The following DIPK1C variants were observed in gnomAD, a reference collection of about 807,000 sequenced individuals.
The protein encoded by DIPK1C is familial non-conventional Alzheimer's dementia.
A neutral mutation model predicts 28.0 loss-of-function variants in DIPK1C; 33 were observed. The observed-to-expected ratio is 1.18, with a 90% CI of 0.89 to 1.58. The LOEUF (loss-of-function observed/expected upper bound fraction) is 1.58. DIPK1C is among the 40% of genes most tolerant of loss of function. The pLI is 0.00. For synonymous variants in DIPK1C, 255 were observed against 248.8 expected (o/e 1.02, Z -0.23); for missense variants, 569 against 568.5 (o/e 1.00, Z -0.01).
intron 1 of DIPK1C, among the ~76,000 whole-genome samples, chr18:74,449,761 T>G (rs2288264): frequency 0.58 from 87,678 of 151,730 alleles, 26,438 homozygotes; most frequent in Non-Finnish European, 0.67. Flanking sequence ...ACCCACATCC[T>G]TTAGGAAGTT....
At chr18:74,452,875 G>A (rs765885172) in intron 1 of DIPK1C, among the ~76,000 whole-genome samples, 17 of 152,082 alleles carry the variant, frequency 1.1e-4, no homozygotes, top group Non-Finnish European at 2.1e-4. Flanking sequence ...CCTTCTGTGC[G>A]TAGGAGGAGT....
intron 3 of DIPK1C, among the ~76,000 whole-genome samples, chr18:74,440,187 A>G (rs1599035105): frequency 6.6e-6 from 1 of 152,118 alleles, no homozygotes; most frequent in South Asian, 2.1e-4. Flanking sequence ...CTTGTGATCC[A>G]CCCACCTCGG....
At chr18:74,446,077 C>T (rs896366392) in intron 2 of DIPK1C, among the ~76,000 whole-genome samples, 1 of 152,214 alleles carries the variant, frequency 6.6e-6, no homozygotes, top group African/African-American at 2.4e-5. Context: ...GCACTAAAAC[C>T]CCATTTGTTC....
chr18:74,438,163 A>T (rs867685307), intron 3 of DIPK1C, among the ~76,000 whole-genome samples: 1 of 152,182 alleles, frequency 6.6e-6, no homozygotes. Context: ...AAGTGCTGGG[A>T]CTACAGGCAT....
intron 1 of DIPK1C, among the ~76,000 whole-genome samples, chr18:74,456,366 T>A (rs1039197175): frequency 4.6e-5 from 7 of 152,258 alleles, no homozygotes; most frequent in African/African-American, 1.7e-4. Flanking sequence ...GAGGAGCTGC[T>A]GGGTGCGAGC....
chr18:74,457,019 T>C, intron 1 of DIPK1C, 43 bp downstream of exon 1: 1 of 1,375,378 alleles, frequency 7.3e-7, no homozygotes, highest in Non-Finnish European at 9.3e-7. Context: ...TGATCCCCCC[T>C]CCCCGGACGC....
intron 3 of DIPK1C, among the ~76,000 whole-genome samples, chr18:74,439,941 A>T (rs1157832976): frequency 6.9e-6 from 1 of 144,464 alleles, no homozygotes; most frequent in East Asian, 2.3e-4. Flanking sequence ...AAGGGATCGT[A>T]TACTTTTTTT....
intron 1 of DIPK1C, among the ~76,000 whole-genome samples, chr18:74,450,482 T>A (rs1414063236): frequency 2.0e-5 from 3 of 152,136 alleles, no homozygotes; most frequent in African/African-American, 7.2e-5. Flanking sequence ...TGGTCCTGGT[T>A]GCAACTGAGA....
intron 1 of DIPK1C, among the ~76,000 whole-genome samples, chr18:74,448,317 T>G (rs568263932): frequency 1.3e-5 from 2 of 152,342 alleles, no homozygotes; most frequent in Admixed American, 6.5e-5. Flanking sequence ...AGGCCGCTCT[T>G]CCTTCCAGGA....
rs1375026087 is a variant in DIPK1C at position 74,457,301 on chromosome 18, C to T, written c.-42G>A. The T allele has an allele frequency of 8.1e-6, 8 of 982,916 alleles. No individual in the cohort carries two copies. Among genetic ancestry groups the T allele is most frequent in the African/African-American group, 1.8e-5 (1 of 56,856 alleles). 60.9% of individuals were successfully genotyped at this position (982,916 alleles called of 1,614,324 possible). ...GCCCGGGCCCCACCGCCGCCCGCGC[C>T]CCGAGTTCCGCACTCGCGTAGCTGC... On this transcript the variant is annotated 5_prime_UTR_variant, in exon 1 of 4. Transcript: ENST00000343998.
At chr18:74,452,175 T>A (rs1194364377) in intron 1 of DIPK1C, among the ~76,000 whole-genome samples, 2 of 152,294 alleles carry the variant, frequency 1.3e-5, no homozygotes, top group Non-Finnish European at 2.9e-5. Flanking sequence ...TGAAAAATCA[T>A]AAGTGAAATC....
chr18:74,435,797 GA>G lies in DIPK1C; in HGVS notation c.*703del, dbSNP rs1985973273. The G allele has an allele frequency of 6.6e-6, 1 of 152,336 alleles. No homozygotes were observed. The highest frequency in any genetic ancestry group is 2.4e-5 in the African/African-American group (1 of 41,428). 9.4% of individuals were successfully genotyped at this position (152,336 alleles called of 1,614,324 possible). ...TCACACTTCTTTGCTAGGTAGGCAA[GA>G]TGTTCCGGAGGACACACTAGAGAAA... On this transcript the variant is annotated 3_prime_UTR_variant, in exon 4 of 4. Coordinates refer to ENST00000343998, the MANE Select transcript of DIPK1C (RefSeq NM_001044369.3).
chr18:74,454,890 G>A (rs1348208277), intron 1 of DIPK1C, among the ~76,000 whole-genome samples: 1 of 152,076 alleles, frequency 6.6e-6, no homozygotes, highest in East Asian at 1.9e-4. Flanking sequence ...AGGAAGACAG[G>A]GGGAGAAAGA....
At chr18:74,457,386 G>C, upstream of DIPK1C, 1 of 685,830 alleles carries the variant, frequency 1.5e-6, no homozygotes, top group Non-Finnish European at 1.8e-6. Context: ...CGCGAGGGTT[G>C]GGGCAGGCCC....
At position 74,436,339 on chromosome 18, in the gene DIPK1C, G is replaced by A. The variant is rs1985990263; in HGVS notation, c.*162C>T. On this transcript the variant is annotated 3_prime_UTR_variant, in exon 4 of 4. Coordinates refer to ENST00000343998, the MANE Select transcript of DIPK1C (RefSeq NM_001044369.3). Reference sequence around the variant, plus strand: ...AGAGGCCAGGGTGGGACGAGAGCGAGGGAGCACTGTCTCTGGCAGCAGCAC... The same window carrying A: ...AGAGGCCAGGGTGGGACGAGAGCGAAGGAGCACTGTCTCTGGCAGCAGCAC... The A allele has an allele frequency of 1.4e-6, 1 of 690,490 alleles. No homozygotes were observed. Among genetic ancestry groups the A allele is most frequent in the Non-Finnish European group, 2.4e-6 (1 of 420,336 alleles). The allele number at this position is 690,490 out of a possible 1,614,324, so 42.8% of individuals were successfully genotyped here.
rs913397928 is a variant in DIPK1C at position 74,457,065 on chromosome 18, C to T, written c.195G>A (p.Ala65=). The change falls in exon 1 of 4, where the codon GCG becomes GCA. Residue 65 remains alanine (A), a synonymous_variant. Coordinates refer to ENST00000343998, the MANE Select transcript of DIPK1C (RefSeq NM_001044369.3). ...TDEKSRRILA[A]LCQDYQGGTL... ...GCAGAGCGGCGGCGGGACCTACCAG[C>T]GCGGCCAGGATGCGCCGGCTCTTCT... 3 of 1,458,574 alleles carry T rather than the reference C, an allele frequency of 2.1e-6. No individual in the cohort carries two copies. The highest frequency in any genetic ancestry group is 1.3e-5 in the South Asian group (1 of 75,200). 90.4% of individuals were successfully genotyped at this position (1,458,574 alleles called of 1,614,324 possible). A position where few individuals can be genotyped will look rare whatever the true frequency, so the allele number is the denominator to read the frequency against.
upstream of DIPK1C, among the ~76,000 whole-genome samples, chr18:74,462,460 A>G (rs963832670): frequency 6.6e-6 from 1 of 152,222 alleles, no homozygotes; most frequent in African/African-American, 2.4e-5. Flanking sequence ...GTGTGAATAC[A>G]CCAGACAGTG....
rs3764507 is a variant in DIPK1C at position 74,447,255 on chromosome 18, G to A, written c.227C>T (p.Ala76Val). 8.5e-3 allele frequency: 13,114 copies of A among 1,543,628 alleles called. 433 individuals carry two copies. In the East Asian group the frequency reaches 0.12, roughly 14 times the overall value. ...ACACAGGTCCTCGCAGAGGTCCCCG[G>A]CCAGCGTGCCGCCCTGGTAGTCCTG... ...LCQDYQGGTLAGDLCEDLCVA... is the reference protein window; with the variant it reads ...LCQDYQGGTLVGDLCEDLCVA... Residue 76 changes from alanine to valine, a missense_variant, in exon 2 of 4, where the codon GCC becomes GTC. Ala to Val is a moderately conservative substitution (Grantham distance 64). Transcript: ENST00000343998. This position sits in a 1 kb window ranked among gnomAD's most constrained non-coding sequence, Gnocchi z 4.1.
intron 1 of DIPK1C, among the ~76,000 whole-genome samples, chr18:74,454,501 G>A (rs147649795): frequency 4.6e-5 from 7 of 152,356 alleles, no homozygotes; most frequent in African/African-American, 1.4e-4. Context: ...CAACTCCCTG[G>A]GCGCTGCCAG....
Sources: gnomAD v4.1 joint callset for allele counts (sites outside exome capture counted in the v4.1 genomes callset) on GRCh38, gnomAD v4.1.1 for gene constraint, Gnocchi (gnomAD v3.1) non-coding constraint, MANE v1.5 for transcripts, NCBI Gene and HGNC (gene_info 2026-07-23, HGNC 2026-07-21) for gene names.